CAMSAP1: variants seen among roughly 807,000 people sequenced by gnomAD.
The protein encoded by CAMSAP1 is calmodulin-regulated spectrin-associated protein 1.
CAMSAP1 carries 58 observed loss-of-function variants against 143.5 expected under a neutral mutation model. The ratio of observed to expected loss-of-function variants is 0.40; its 90% CI spans 0.33 to 0.50. The LOEUF (loss-of-function observed/expected upper bound fraction) is 0.50. Ranked by LOEUF, CAMSAP1 falls within the 20% of genes least tolerant of loss-of-function variation. The probability of loss-of-function intolerance (pLI) is 0.45; values close to 1 mark genes in which losing one functional copy is unlikely to be tolerated. For missense variants in CAMSAP1, 1,969 were observed against 2,115.7 expected, an observed-to-expected ratio of 0.93 and a Z score of 1.36; for synonymous variants, 945 against 859.3, an observed-to-expected ratio of 1.10 and a Z score of -1.74.
chr9:135,887,762 G>T (rs1163978936), intron 1 of CAMSAP1, among the ~76,000 whole-genome samples: 2 of 152,146 alleles, frequency 1.3e-5, no homozygotes, highest in Non-Finnish European at 2.9e-5. Context: ...GCGGCTACAG[G>T]GGGCAGAGTG....
rs772128102 is a variant in CAMSAP1 at position 135,818,006 on chromosome 9, G to A, written c.4242C>T (p.Ser1414=). 4.3e-6 allele frequency: 7 copies of A among 1,613,880 alleles called. No homozygotes were observed. The highest frequency in any genetic ancestry group is 2.2e-5 in the South Asian group (2 of 91,076). The change falls in exon 14 of 17, where the codon AGC becomes AGT. Residue 1414 remains serine, a synonymous_variant. Transcript: ENST00000389532. The surrounding 1 kb of genome is among the most constrained non-coding windows in gnomAD (Gnocchi z 7.7). The part of the protein sequence containing the change: ...LASAATTEPE[S]VHSGGTPSQR... Reference sequence around the variant, plus strand: ...GAGAGGGTGTGCCCCCGGAATGAACGCTCTCGGGTTCTGTCGTCGCCGCAG... The same window carrying A: ...GAGAGGGTGTGCCCCCGGAATGAACACTCTCGGGTTCTGTCGTCGCCGCAG...
chr9:135,853,824 C>A (rs1035920333), intron 5 of CAMSAP1, among the ~76,000 whole-genome samples: 1 of 152,212 alleles, frequency 6.6e-6, no homozygotes, highest in Non-Finnish European at 1.5e-5. Flanking sequence ...AATGGAACTG[C>A]ACCTGCCACA....
chr9:135,865,357 G>C, intron 4 of CAMSAP1: 2 of 1,550,698 alleles, frequency 1.3e-6, no homozygotes, highest in South Asian at 2.4e-5. Flanking sequence ...ATACCACTTG[G>C]AGGGAGACTG....
Position 135,817,960 on chromosome 9 carries a change from C to T in CAMSAP1, c.4271+17G>A. 3 of 1,612,224 alleles carry T rather than the reference C, an allele frequency of 1.9e-6. No homozygotes were observed. The highest frequency in any genetic ancestry group is 2.5e-6 in the Non-Finnish European group (3 of 1,178,638). On this transcript the variant is annotated intron_variant, in intron 14 of 16. Coordinates refer to ENST00000389532, the MANE Select transcript of CAMSAP1 (RefSeq NM_015447.4). ...CGTCCTCCAGCCCCGTGCCGGCGGC[C>T]GTCTCAGGCCCCTTACCGCTGAGAG...
At chr9:135,889,472 A>C (rs1020930200) in intron 1 of CAMSAP1, among the ~76,000 whole-genome samples, 1 of 152,260 alleles carries the variant, frequency 6.6e-6, no homozygotes, top group African/African-American at 2.4e-5. Context: ...ATGCTCCAAG[A>C]AGCACAGGCA....
At chr9:135,871,874 G>A (rs1837581410) in intron 3 of CAMSAP1, among the ~76,000 whole-genome samples, 3 of 152,168 alleles carry the variant, frequency 2.0e-5, no homozygotes, top group South Asian at 2.1e-4. Flanking sequence ...AGGCCGAGGT[G>A]GGCAGATCAC....
chr9:135,902,414 G>A (rs925783611), intron 1 of CAMSAP1, among the ~76,000 whole-genome samples: 3 of 152,206 alleles, frequency 2.0e-5, no homozygotes, highest in East Asian at 1.9e-4. Flanking sequence ...AGGAAGACAC[G>A]CAGTGGTTTC....
Position 135,875,209 on chromosome 9 carries a change from C to G in CAMSAP1, c.585+6424G>C, listed in dbSNP as rs1375423601. Among the ~76,000 whole-genome samples, 7 of 84,408 alleles carry G rather than the reference C, an allele frequency of 8.3e-5. No homozygotes were observed. In the South Asian group the frequency reaches 3.5e-3, roughly 42 times the overall value. 55.4% of individuals were successfully genotyped at this position (84,408 alleles called of 152,430 possible). On this transcript the variant is annotated intron_variant, in intron 3 of 16. Coordinates refer to ENST00000389532, the MANE Select transcript of CAMSAP1 (RefSeq NM_015447.4). ...TGCAAAGGACCTAGAATAGTGAAAA[C>G]AATTTTTTTTTTTTTTTGACACGGA...
At chr9:135,837,590 CAT>C (rs776226195) in intron 7 of CAMSAP1, among the ~76,000 whole-genome samples, 90 of 149,056 alleles carry the variant, frequency 6.0e-4, no homozygotes, top group East Asian at 1.6e-3. Flanking sequence ...TCTACAGACA[CAT>C]GTCATCCGCA....
At chr9:135,836,698 C>A (rs966307522) in intron 7 of CAMSAP1, 1 of 983,598 alleles carries the variant, frequency 1.0e-6, no homozygotes, top group African/African-American at 1.8e-5. Flanking sequence ...CACTTCTACC[C>A]TGTTCTACAG....
At chr9:135,812,980 A>C (rs1246479912) in intron 16 of CAMSAP1, among the ~76,000 whole-genome samples, 1 of 151,890 alleles carries the variant, frequency 6.6e-6, no homozygotes, top group Non-Finnish European at 1.5e-5. Flanking sequence ...GAAGAATCTG[A>C]AGTATGACAA....
chr9:135,891,028 C>A (rs1838274501), intron 1 of CAMSAP1, among the ~76,000 whole-genome samples: 1 of 152,166 alleles, frequency 6.6e-6, no homozygotes, highest in African/African-American at 2.4e-5. Context: ...AAGAAGGAAC[C>A]CAAAACAGGG....
intron 7 of CAMSAP1, among the ~76,000 whole-genome samples, chr9:135,848,742 C>T (rs1836667373): frequency 1.3e-5 from 2 of 152,232 alleles, no homozygotes; most frequent in African/African-American, 4.8e-5. Flanking sequence ...TGCAGAGGCA[C>T]ATCTGGGAGC....
chr9:135,830,372 T>C (rs1462341608), intron 7 of CAMSAP1, among the ~76,000 whole-genome samples: 2 of 152,176 alleles, frequency 1.3e-5, no homozygotes, highest in African/African-American at 4.8e-5. Context: ...TGAAAAGATA[T>C]TCCACGCATG....
chr9:135,860,236 AAAAT>A (rs1404281418), intron 5 of CAMSAP1, among the ~76,000 whole-genome samples: 4 of 151,238 alleles, frequency 2.6e-5, no homozygotes, highest in African/African-American at 9.7e-5. Context: ...GTCTCCATAA[AAAAT>A]AAATAAATAA....
rs1250914994 is a variant in CAMSAP1, at chr9:135,882,651, C to T, written c.423+165G>A. Among the ~76,000 whole-genome samples the T allele has an allele frequency of 6.6e-6, 1 of 152,236 alleles. No individual in the cohort carries two copies. The highest frequency in any genetic ancestry group is 1.5e-5 in the Non-Finnish European group (1 of 68,042). On this transcript the variant is annotated intron_variant, in intron 2 of 16. Coordinates refer to ENST00000389532, the MANE Select transcript of CAMSAP1 (RefSeq NM_015447.4). This position sits in a 1 kb window ranked among gnomAD's most constrained non-coding sequence, Gnocchi z 4.9. ...CCCCATTCTCCACAACAGTCATGTGCTTTAAAAGATATGCAGTTTCCTAAG... is the reference window on the plus strand; with the variant it reads ...CCCCATTCTCCACAACAGTCATGTGTTTTAAAAGATATGCAGTTTCCTAAG...
rs1320334975 is a variant in CAMSAP1 at position 135,818,052 on chromosome 9, CCTGA to C, written c.4192_4195del (p.Ser1398AlafsTer36). 1 of 1,613,672 alleles carries C rather than the reference CCTGA, an allele frequency of 6.2e-7. No individual in the cohort carries two copies. The highest frequency in any genetic ancestry group is 8.5e-7 in the Non-Finnish European group (1 of 1,179,882). ...CGCAGAGGCCAAGGACAGGCTGGAG[CCTGA>C]CTGAGTCCGGCTCAAGTTATCAGCT... On this transcript the variant is annotated frameshift_variant, in exon 14 of 17. Coordinates refer to ENST00000389532, the MANE Select transcript of CAMSAP1 (RefSeq NM_015447.4). LOFTEE classifies it high-confidence loss of function. This position sits in a 1 kb window ranked among gnomAD's most constrained non-coding sequence, Gnocchi z 7.7.
intron 3 of CAMSAP1, among the ~76,000 whole-genome samples, chr9:135,867,757 G>T (rs1174749886): frequency 6.6e-6 from 1 of 152,134 alleles, no homozygotes; most frequent in African/African-American, 2.4e-5. Flanking sequence ...ATACAGAAAA[G>T]ATAATTTAAA....
intron 4 of CAMSAP1, among the ~76,000 whole-genome samples, chr9:135,862,974 G>A (rs191238666): frequency 8.5e-5 from 13 of 152,128 alleles, no homozygotes; most frequent in Non-Finnish European, 1.8e-4. Flanking sequence ...AGACACTAAC[G>A]AGAAACAAGT....
Sources: allele counts gnomAD v4.1 joint callset (sites outside exome capture counted in the v4.1 genomes callset), GRCh38; gene constraint gnomAD v4.1.1; non-coding constraint Gnocchi (gnomAD v3.1); transcripts MANE v1.5; gene names NCBI Gene and HGNC (gene_info 2026-07-23, HGNC 2026-07-21).